STS: variants seen among roughly 807,000 people sequenced by gnomAD.
The protein encoded by STS is steryl-sulfatase.
In STS, 7 loss-of-function variants were observed where a neutral mutation model predicts 26.8. That is an observed-to-expected ratio of 0.26 (90% confidence interval 0.15 to 0.49). The LOEUF (loss-of-function observed/expected upper bound fraction) is 0.49, where lower values mean the gene tolerates loss of function less well. Ranked by LOEUF, STS falls within the 20% of genes least tolerant of loss-of-function variation. The pLI is 0.98. For missense variants in STS, 434 were observed against 465.6 expected (o/e 0.93, Z 0.63); for synonymous variants, 199 against 189.4 (o/e 1.05, Z -0.42).
chrX:7,248,131 C>T (rs1286947843), intron 2 of STS, among the ~76,000 whole-genome samples: 4 of 112,302 alleles, frequency 3.6e-5, no homozygotes, highest in African/African-American at 6.5e-5. Context: ...TATGTATATT[C>T]TATCATTTGC....
intron 2 of STS, among the ~76,000 whole-genome samples, chrX:7,207,691 G>A (rs1483066655): frequency 1.8e-5 from 2 of 111,936 alleles, no homozygotes; most frequent in Non-Finnish European, 3.8e-5. Flanking sequence ...AGCTTTAATG[G>A]AAGAAGGATC....
chrX:7,169,608 T>C (rs1426815624), intron 1 of STS, among the ~76,000 whole-genome samples: 2 of 112,119 alleles, frequency 1.8e-5, no homozygotes, highest in Non-Finnish European at 3.8e-5. Context: ...CATACTGTTA[T>C]CCACAGCAAG....
chrX:7,248,560 G>A (rs1230304865), intron 2 of STS, among the ~76,000 whole-genome samples: 5 of 112,308 alleles, frequency 4.5e-5, no homozygotes, highest in African/African-American at 9.7e-5. Context: ...TAAGGCCAAT[G>A]CAGGATACAT....
intron 1 of STS, among the ~76,000 whole-genome samples, chrX:7,171,708 G>A (rs1284247302): frequency 9.0e-6 from 1 of 111,584 alleles, no homozygotes. Flanking sequence ...CGACTGCCCA[G>A]ACATTAATAG....
intron 2 of STS, among the ~76,000 whole-genome samples, chrX:7,251,173 C>G (rs1003968653): frequency 2.7e-5 from 3 of 111,850 alleles, no homozygotes; most frequent in Non-Finnish European, 3.8e-5. Context: ...AAACCCAGGC[C>G]ATTTCCCATC....
intron 2 of STS, among the ~76,000 whole-genome samples, chrX:7,217,242 G>A (rs777207211): frequency 1.8e-5 from 2 of 111,327 alleles, no homozygotes; most frequent in Admixed American, 9.5e-5. Flanking sequence ...CAGATGGAGG[G>A]GGGGTCCAGT....
intron 7 of STS, among the ~76,000 whole-genome samples, chrX:7,292,778 C>T (rs1436878369): frequency 9.0e-6 from 1 of 111,316 alleles, no homozygotes; most frequent in African/African-American, 3.3e-5. Flanking sequence ...CTTGCAATTG[C>T]ATCAGAGTCC....
intron 1 of STS, among the ~76,000 whole-genome samples, chrX:7,157,701 G>C (rs565412554): frequency 2.7e-5 from 3 of 111,124 alleles, no homozygotes; most frequent in Non-Finnish European, 5.7e-5. Flanking sequence ...GATTAGAGGG[G>C]CCTGAGATGT....
chrX:7,290,958 G>C (rs1156914073), intron 7 of STS, among the ~76,000 whole-genome samples: 1 of 111,255 alleles, frequency 9.0e-6, no homozygotes, highest in Non-Finnish European at 1.9e-5. Context: ...TGACTTTGCC[G>C]TCTCTCCTCC....
intron 2 of STS, among the ~76,000 whole-genome samples, chrX:7,241,343 T>C (rs1423019232): frequency 8.9e-6 from 1 of 112,031 alleles, no homozygotes; most frequent in Non-Finnish European, 1.9e-5. Context: ...TAGGTTTTTT[T>C]GGTGAGATTT....
At chrX:7,152,194 C>T (rs888084448) in intron 1 of STS, among the ~76,000 whole-genome samples, 1 of 110,614 alleles carries the variant, frequency 9.0e-6, no homozygotes, top group East Asian at 2.9e-4. Flanking sequence ...CCTTGCGATC[C>T]GCCCCCCTCA....
At chrX:7,231,805 GTATTTTCATACTCTCTC>G (rs1370169620) in intron 2 of STS, among the ~76,000 whole-genome samples, 1 of 104,312 alleles carries the variant, frequency 9.6e-6, no homozygotes, top group Non-Finnish European at 1.9e-5. Context: ...CGCTTGCAAC[GTATTTTCATACTCTCTC>G]TAATAAATCT....
intron 2 of STS, among the ~76,000 whole-genome samples, chrX:7,224,689 C>G (rs1921725163): frequency 8.9e-6 from 1 of 111,974 alleles, no homozygotes; most frequent in African/African-American, 3.2e-5. Context: ...CAATAAATTT[C>G]TGTTGCTTAT....
In STS at chrX:7,259,592, G is replaced by A; in HGVS notation, c.626G>A (p.Gly209Asp). Residue 209 changes from glycine (G) to aspartate (D), a missense_variant, in exon 6 of 11, where the codon GGC (glycine) becomes GAC (aspartate). Around this residue, in one of 2 missense-constraint regions of STS, gnomAD observed 229 missense variants for 288.3 expected, o/e 0.79. Coordinates refer to ENST00000674429, the MANE Select transcript of STS (RefSeq NM_001320752.2). Reference protein sequence around the residue: ...NCLGLLHVPLGVFFSLLFLAA... With the variant: ...NCLGLLHVPLDVFFSLLFLAA... ...CTGGGGCTACTCCACGTGCCTCTAG[G>A]CGTTTTTTTCAGCCTTCTCTTCCTA... is the stretch of plus-strand genomic sequence containing the variant. The A allele has an allele frequency of 8.3e-7, 1 of 1,211,230 alleles. No individual in the cohort carries two copies. The highest frequency in any genetic ancestry group is 1.1e-6 in the Non-Finnish European group (1 of 895,345).
intron 1 of STS, among the ~76,000 whole-genome samples, chrX:7,175,060 AT>A (rs1480408815): frequency 9.1e-6 from 1 of 109,828 alleles, no homozygotes; most frequent in African/African-American, 3.3e-5. Context: ...ACTTCTAGTT[AT>A]CCCCTTTGTT....
At position 7,147,945 on chromosome X, in the gene STS, T is replaced by G. The variant is rs1307575262; in HGVS notation, c.-272T>G. Reference sequence around the variant, plus strand: ...GCGCGGGAGCCCGAGCGTCCCTGCATGAACACCGCCCCGCCGCGGCCCCCA... The same window carrying G: ...GCGCGGGAGCCCGAGCGTCCCTGCAGGAACACCGCCCCGCCGCGGCCCCCA... On this transcript the variant is annotated 5_prime_UTR_variant, in exon 1 of 11. The change abolishes an upstream ATG in the 5' untranslated region. Coordinates refer to ENST00000674429, the MANE Select transcript of STS (RefSeq NM_001320752.2). 1 of 632,090 alleles carries G rather than the reference T, an allele frequency of 1.6e-6. No individual in the cohort carries two copies. The highest frequency in any genetic ancestry group is 2.4e-6 in the Non-Finnish European group (1 of 413,242). The allele number at this position is 632,090 out of a possible 1,213,427, so 52.1% of individuals were successfully genotyped here.
intron 3 of STS, among the ~76,000 whole-genome samples, chrX:7,255,721 T>C (rs778494646): frequency 1.8e-5 from 2 of 112,555 alleles, no homozygotes; most frequent in Admixed American, 1.9e-4. Flanking sequence ...TTAATTCAAA[T>C]GTAAAAACAG....
intron 2 of STS, among the ~76,000 whole-genome samples, chrX:7,211,599 T>C (rs183262875): frequency 8.9e-6 from 1 of 112,413 alleles, no homozygotes; most frequent in African/African-American, 3.2e-5. Context: ...GGCTTGGCCT[T>C]GCCCCTTGTA....
intron 8 of STS, among the ~76,000 whole-genome samples, chrX:7,306,431 T>C (rs889501419): frequency 9.0e-6 from 1 of 111,579 alleles, no homozygotes; most frequent in Non-Finnish European, 1.9e-5. Flanking sequence ...CCTGCAAAGA[T>C]ATGAAAGGAT....
Sources: allele counts gnomAD v4.1 joint callset (sites outside exome capture counted in the v4.1 genomes callset), GRCh38; gene constraint gnomAD v4.1.1; regional missense constraint gnomAD v4.1.1; transcripts MANE v1.5; gene names NCBI Gene and HGNC (gene_info 2026-07-23, HGNC 2026-07-21).